FBXO25: variants seen among roughly 807,000 people sequenced by gnomAD.
The protein encoded by FBXO25 is F-box only protein 25.
FBXO25 carries 45 observed loss-of-function variants against 51.9 expected under a neutral mutation model. The observed-to-expected ratio is 0.87, with a 90% confidence interval of 0.68 to 1.11. The LOEUF is 1.11. FBXO25 is among the 50% of genes most tolerant of loss of function. The pLI, the probability that FBXO25 is intolerant of heterozygous loss-of-function variation, is 0.00. For missense variants in FBXO25, 507 were observed against 428.5 expected, an observed-to-expected ratio of 1.18 and a Z score of -1.62; for synonymous variants, 199 against 151.0, an observed-to-expected ratio of 1.32 and a Z score of -2.33.
intron 2 of FBXO25, among the ~76,000 whole-genome samples, chr8:416,654 C>G (rs567455715): frequency 5.3e-5 from 8 of 152,180 alleles, no homozygotes; most frequent in Non-Finnish European, 1.0e-4. Flanking sequence ...AGTCCTACCT[C>G]TACTCCTTTG....
At chr8:453,689 G>C (rs1400468513) in intron 7 of FBXO25, among the ~76,000 whole-genome samples, 1 of 152,120 alleles carries the variant, frequency 6.6e-6, no homozygotes, top group African/African-American at 2.4e-5. Flanking sequence ...GAGCAGCTGA[G>C]AGCCTTCCCG....
At chr8:457,138 G>T (rs373896634) in intron 7 of FBXO25, among the ~76,000 whole-genome samples, 1 of 152,186 alleles carries the variant, frequency 6.6e-6, no homozygotes. Context: ...TCAGAAGCTC[G>T]CAGGTGAGCA....
chr8:456,038 C>G (rs1169593393), intron 7 of FBXO25, among the ~76,000 whole-genome samples: 1 of 152,226 alleles, frequency 6.6e-6, no homozygotes, highest in Non-Finnish European at 1.5e-5. Flanking sequence ...ACCACCACTT[C>G]ATGCTACCTT....
chr8:441,157 C>G (rs1366449898), intron 5 of FBXO25, among the ~76,000 whole-genome samples: 5 of 151,632 alleles, frequency 3.3e-5, no homozygotes, highest in African/African-American at 1.2e-4. Flanking sequence ...GATACTGGTA[C>G]CAAAACAGAT....
intron 2 of FBXO25, among the ~76,000 whole-genome samples, chr8:417,141 C>T (rs1172878671): frequency 6.6e-6 from 1 of 152,178 alleles, no homozygotes; most frequent in Non-Finnish European, 1.5e-5. Flanking sequence ...GGAAGCGGGG[C>T]CAGTAGGAGA....
rs1198546542 is a variant in FBXO25 at position 474,634 on chromosome 8, G to A, written c.*5830G>A. ...TTGCATTTCCGTAATGACTGGTGAT[G>A]CTGAGTATCTGTTTGTTGGCCGTTT... On this transcript the variant is annotated 3_prime_UTR_variant, in exon 10 of 10. Coordinates refer to ENST00000350302, the MANE Select transcript of FBXO25 (RefSeq NM_183420.2). The A allele has an allele frequency of 1.6e-5, 7 of 431,164 alleles. No homozygotes were observed. Among genetic ancestry groups the A allele is most frequent in the South Asian group, 1.2e-4 (7 of 58,932 alleles). 26.7% of individuals were successfully genotyped at this position (431,164 alleles called of 1,614,324 possible). A position where few individuals can be genotyped will look rare whatever the true frequency, so the allele number is the denominator to read the frequency against.
chr8:449,511 G>A (rs1798944248), intron 5 of FBXO25, among the ~76,000 whole-genome samples: 1 of 152,158 alleles, frequency 6.6e-6, no homozygotes, highest in African/African-American at 2.4e-5. Context: ...AATGAGTTTT[G>A]GTGTTGTGTT....
intron 5 of FBXO25, among the ~76,000 whole-genome samples, chr8:445,098 A>G (rs545069764): frequency 1.4e-3 from 214 of 152,260 alleles, no homozygotes; most frequent in Admixed American, 3.1e-3. Flanking sequence ...TGTTATCTTA[A>G]TTACCAGTTT....
intron 2 of FBXO25, among the ~76,000 whole-genome samples, chr8:417,301 G>C (rs1429918884): frequency 6.6e-6 from 1 of 152,214 alleles, no homozygotes; most frequent in South Asian, 2.1e-4. Flanking sequence ...TCTGGCTACC[G>C]TGTTAAAAAC....
Position 448,538 on chromosome 8 carries a change from G to A in FBXO25, c.382-1452G>A, listed in dbSNP as rs570189719. Among the ~76,000 whole-genome samples the A allele has an allele frequency of 1.5e-4, 23 of 152,310 alleles. No homozygotes were observed. The East Asian group carries it at 4.4e-3, about 29-fold the overall frequency. On this transcript the variant is annotated intron_variant, in intron 5 of 9. Coordinates refer to ENST00000350302, the MANE Select transcript of FBXO25 (RefSeq NM_183420.2). ...ATCCAGTCTGCAAACAAACAGTATT[G>A]ATCATGTGAGAACTCAGGGAATACT...
rs35458213 is a variant in FBXO25 at position 469,055 on chromosome 8, A to ACT, written c.*262_*263dup. 36,460 of 440,068 alleles carry ACT rather than the reference A, an allele frequency of 0.083. 1,577 individuals are homozygous for ACT. The highest frequency in any genetic ancestry group is 0.13 in the Admixed American group (3,250 of 24,602). The allele number at this position is 440,068 out of a possible 1,614,324, so 27.3% of individuals were successfully genotyped here. ...CATATTAAAATGTGAAATTTTGCGT[A>ACT]CTCTCTCTCTCTATATATATAGTTC... On this transcript the variant is annotated 3_prime_UTR_variant, in exon 10 of 10. Coordinates refer to ENST00000350302, the MANE Select transcript of FBXO25 (RefSeq NM_183420.2).
At chr8:419,974 C>T (rs758123728) in intron 2 of FBXO25, among the ~76,000 whole-genome samples, 9 of 152,046 alleles carry the variant, frequency 5.9e-5, no homozygotes, top group Admixed American at 3.9e-4. Context: ...CTGTACTTCA[C>T]CAAACAACTT....
chr8:450,016 G>A lies in FBXO25; in HGVS notation c.408G>A (p.Gln136=). 1 of 1,611,404 alleles carries A rather than the reference G, an allele frequency of 6.2e-7. No homozygotes were observed. Residue 136 remains glutamine (Q), a synonymous_variant, in exon 6 of 10, where the codon CAG becomes CAA. Transcript: ENST00000350302. The part of the protein sequence containing the change: ...VKLLQLIAKS[Q]LTSLSGVAQK... ...TGTTGCAGCTAATTGCAAAATCCCA[G>A]TTAACTTCATTGAGTGGCGTGGCAC...
chr8:461,681 G>T (rs1432889240), intron 8 of FBXO25, among the ~76,000 whole-genome samples: 9 of 152,078 alleles, frequency 5.9e-5, no homozygotes, highest in African/African-American at 2.2e-4. Context: ...GCCATTCCTA[G>T]CCCCAAGCAA....
In FBXO25 at chr8:476,952, C is replaced by T. The variant is rs943864434; in HGVS notation, c.*8148C>T. ...GTATTTACAGTTACAAATTTCCCTC[C>T]TACCACTGCTTTGACTGTACCTGTT... On this transcript the variant is annotated 3_prime_UTR_variant, in exon 10 of 10. Transcript: ENST00000350302. The T allele has an allele frequency of 1.3e-5, 2 of 151,734 alleles. No individual in the cohort carries two copies. The highest frequency in any genetic ancestry group is 1.3e-4 in the Admixed American group (2 of 15,240). 9.4% of individuals were successfully genotyped at this position (151,734 alleles called of 1,614,324 possible).
chr8:469,270 T>A lies in FBXO25; in HGVS notation c.*466T>A, dbSNP rs956570888. The A allele has an allele frequency of 2.6e-5, 4 of 153,552 alleles. No individual in the cohort carries two copies. Among genetic ancestry groups the A allele is most frequent in the African/African-American group, 9.6e-5 (4 of 41,482 alleles). The allele number at this position is 153,552 out of a possible 1,614,324, so 9.5% of individuals were successfully genotyped here. On this transcript the variant is annotated 3_prime_UTR_variant, in exon 10 of 10. Coordinates refer to ENST00000350302, the MANE Select transcript of FBXO25 (RefSeq NM_183420.2). ...TTTTCTCAAAATGCATTTTAACTAC[T>A]ACATTGGCTGTGCCCAAATGAGTCC...
At chr8:423,468 C>G (rs777788308) in intron 2 of FBXO25, among the ~76,000 whole-genome samples, 2 of 152,030 alleles carry the variant, frequency 1.3e-5, no homozygotes, top group Non-Finnish European at 2.9e-5. Context: ...CTAGTAGTCC[C>G]CAGTGTCTGT....
At chr8:457,344 G>C (rs1799509318) in intron 7 of FBXO25, among the ~76,000 whole-genome samples, 1 of 152,210 alleles carries the variant, frequency 6.6e-6, no homozygotes, top group South Asian at 2.1e-4. Context: ...GGCTGTCTCA[G>C]GTCAACCTCA....
intron 2 of FBXO25, among the ~76,000 whole-genome samples, chr8:427,272 C>T (rs545009454): frequency 2.0e-3 from 302 of 150,184 alleles, no homozygotes; most frequent in Middle Eastern, 0.014. Flanking sequence ...CCAAATTGAT[C>T]GAAAGGAAAT....
Sources: gnomAD v4.1 joint callset for allele counts (sites outside exome capture counted in the v4.1 genomes callset) on GRCh38, gnomAD v4.1.1 for gene constraint, MANE v1.5 for transcripts, NCBI Gene and HGNC (gene_info 2026-07-23, HGNC 2026-07-21) for gene names.